The following NF2 variants were observed in gnomAD, a reference collection of about 807,000 sequenced individuals.
The protein encoded by NF2 is merlin.
In NF2, 8 loss-of-function variants were observed where a neutral mutation model predicts 83.7. That is an observed-to-expected ratio of 0.10 (90% CI 0.06 to 0.17). NF2 has a LOEUF of 0.17. Among genes scored for constraint, NF2 ranks in the 10% least tolerant of loss-of-function variants. The probability of loss-of-function intolerance (pLI) is 1.00; values close to 1 mark genes in which losing one functional copy is unlikely to be tolerated. For synonymous variants in NF2, 266 were observed against 269.6 expected (o/e 0.99, Z 0.13); for missense variants, 533 against 744.4 (o/e 0.72, Z 3.31).
At position 29,639,100 on chromosome 22, in the gene NF2, A is replaced by G. The variant is rs773740023; in HGVS notation, c.251A>G (p.His84Arg). The G allele has an allele frequency of 1.9e-6, 3 of 1,614,244 alleles. No homozygotes were observed. The highest frequency in any genetic ancestry group is 3.3e-5 in the Admixed American group (2 of 60,028). The change falls in exon 3 of 16, where the codon CAT (histidine) becomes CGT (arginine). Residue 84 changes from histidine to arginine, a missense_variant. By Grantham distance (29) the His-to-Arg change is conservative. This residue lies in a region of NF2 where 326 missense variants were observed against 475.1 expected (regional missense o/e 0.69). Coordinates refer to ENST00000338641, the MANE Select transcript of NF2 (RefSeq NM_000268.4). The part of the protein sequence containing the change: ...WLKMDKKVLD[H>R]DVSKEEPVTF... ...TCTGCAATTCTGCAGGTACTGGATC[A>G]TGATGTTTCAAAGGAAGAACCAGTC...
intron 15 of NF2, among the ~76,000 whole-genome samples, chr22:29,689,754 C>T (rs1369886108): frequency 6.6e-6 from 1 of 152,184 alleles, no homozygotes. Flanking sequence ...CCACTGATAG[C>T]CAAAGTAGCT....
intron 3 of NF2, among the ~76,000 whole-genome samples, chr22:29,640,558 T>C (rs995049092): frequency 7.9e-5 from 12 of 152,224 alleles, no homozygotes; most frequent in African/African-American, 2.4e-4. Flanking sequence ...GTTGCAGTGA[T>C]TGGCACTGGG....
chr22:29,649,765 A>G (rs1350217901), intron 4 of NF2, among the ~76,000 whole-genome samples: 1 of 149,708 alleles, frequency 6.7e-6, no homozygotes, highest in Non-Finnish European at 1.5e-5. Context: ...AAAATAAAAA[A>G]GGAGCCACTG....
chr22:29,691,691 A>G (rs2067409235), intron 15 of NF2, among the ~76,000 whole-genome samples: 2 of 152,256 alleles, frequency 1.3e-5, no homozygotes, highest in Non-Finnish European at 2.9e-5. Context: ...TGAAAGATCC[A>G]CAGGTGAGGA....
chr22:29,681,659 C>T lies in NF2; in HGVS notation c.1737+58C>T, dbSNP rs935954195. On this transcript the variant is annotated intron_variant, in intron 15 of 15. Transcript: ENST00000338641. ...TCAGGACCATCATTAATGAAATGTG[C>T]GGTTGGCATCTGGTTTCCTCAGTAG... 1.4e-5 allele frequency: 22 copies of T among 1,601,868 alleles called. 1 individual carries two copies. The highest frequency in any genetic ancestry group is 1.3e-4 in the African/African-American group (10 of 74,662).
chr22:29,685,029 G>A (rs1281882741), intron 15 of NF2, among the ~76,000 whole-genome samples: 1 of 150,864 alleles, frequency 6.6e-6, no homozygotes, highest in African/African-American at 2.4e-5. Context: ...AGAATGCCTG[G>A]GGATGAGATG....
At chr22:29,644,870 A>C in intron 4 of NF2, among the ~76,000 whole-genome samples, 1 of 148,098 alleles carries the variant, frequency 6.8e-6, no homozygotes, top group Non-Finnish European at 1.5e-5. Flanking sequence ...AGATGGCAGC[A>C]GTATAGTCCA....
chr22:29,638,267 C>T (rs1053356600), intron 2 of NF2, among the ~76,000 whole-genome samples: 2 of 151,912 alleles, frequency 1.3e-5, no homozygotes, highest in Admixed American at 6.6e-5. Flanking sequence ...CAAAGGGTTG[C>T]CATGATGGAC....
intron 8 of NF2, among the ~76,000 whole-genome samples, chr22:29,664,033 T>C: frequency 6.6e-6 from 1 of 152,250 alleles, no homozygotes; most frequent in Non-Finnish European, 1.5e-5. Context: ...CATTTGATTC[T>C]ATTAACAGCT....
chr22:29,658,298 T>G (rs1481415535), intron 7 of NF2, 34 bp downstream of exon 7: 1 of 1,584,828 alleles, frequency 6.3e-7, no homozygotes, highest in Non-Finnish European at 8.7e-7. Context: ...CCTTGTGTAG[T>G]AGACAGAGAC....
chr22:29,694,900 G>A lies in NF2; in HGVS notation c.*98G>A. ...AGAGCCATCCATAGGGAGCTGGCTG[G>A]GGGTTTCCGTGGGAGCTCCAGAACT... On this transcript the variant is annotated 3_prime_UTR_variant, in exon 16 of 16. Coordinates refer to ENST00000338641, the MANE Select transcript of NF2 (RefSeq NM_000268.4). The surrounding 1 kb of genome is among the most constrained non-coding windows in gnomAD (Gnocchi z 4.1). 1.5e-6 allele frequency: 2 copies of A among 1,329,666 alleles called. No individual in the cohort carries two copies. Among genetic ancestry groups the A allele is most frequent in the East Asian group, 5.0e-5 (2 of 40,252 alleles). The allele number at this position is 1,329,666 out of a possible 1,614,324, so 82.4% of individuals were successfully genotyped here.
chr22:29,606,915 T>C (rs1242705331), intron 1 of NF2, among the ~76,000 whole-genome samples: 2 of 152,102 alleles, frequency 1.3e-5, no homozygotes, highest in Non-Finnish European at 2.9e-5. Context: ...CATGGGGGCA[T>C]ACACTTGTAA....
intron 9 of NF2, among the ~76,000 whole-genome samples, chr22:29,667,611 T>A (rs1252193772): frequency 3.3e-5 from 5 of 152,172 alleles, no homozygotes; most frequent in African/African-American, 1.2e-4. Context: ...GGTCTTGAAC[T>A]CCTGGGCTCA....
chr22:29,689,350 A>G (rs2067347916), intron 15 of NF2, among the ~76,000 whole-genome samples: 1 of 151,786 alleles, frequency 6.6e-6, no homozygotes, highest in Non-Finnish European at 1.5e-5. Flanking sequence ...TTCAGCTGTC[A>G]CCTTTCTGCT....
intron 1 of NF2, chr22:29,609,449 G>A (rs2064891577): frequency 2.6e-6 from 1 of 383,670 alleles, no homozygotes; most frequent in South Asian, 3.4e-5. Flanking sequence ...TCTGTGATCA[G>A]CCTGTTAAGA....
At chr22:29,619,832 C>T (rs2065171070) in intron 1 of NF2, among the ~76,000 whole-genome samples, 2 of 152,194 alleles carry the variant, frequency 1.3e-5, no homozygotes. Flanking sequence ...GTGCTGCCCT[C>T]CACTGGACCC....
At chr22:29,614,981 C>G (rs2065047569) in intron 1 of NF2, among the ~76,000 whole-genome samples, 1 of 152,008 alleles carries the variant, frequency 6.6e-6, no homozygotes, top group Non-Finnish European at 1.5e-5. Context: ...GACAGGAGTT[C>G]AAGACTACCT....
rs780709660 is a variant in NF2 at position 29,697,747 on chromosome 22, G to T, written c.*2945G>T. On this transcript the variant is annotated 3_prime_UTR_variant, in exon 16 of 16. Coordinates refer to ENST00000338641, the MANE Select transcript of NF2 (RefSeq NM_000268.4). ...ACGTCCGGCTAATTTTGTATTTTTAGTGGAGACGGGGTTTCTCCATGTCGG... is the reference window on the plus strand; with the variant it reads ...ACGTCCGGCTAATTTTGTATTTTTATTGGAGACGGGGTTTCTCCATGTCGG... 4 of 176,410 alleles carry T rather than the reference G, an allele frequency of 2.3e-5. No individual in the cohort carries two copies. The highest frequency in any genetic ancestry group is 4.9e-5 in the Non-Finnish European group (4 of 82,020). 10.9% of individuals were successfully genotyped at this position (176,410 alleles called of 1,614,324 possible).
At position 29,685,144 on chromosome 22, in the gene NF2, G is replaced by C. The variant is rs867117467; in HGVS notation, c.1737+3543G>C. 3.3e-5 allele frequency among the ~76,000 whole-genome samples: 5 copies of C among 151,718 alleles called. No individual in the cohort carries two copies. The East Asian group carries it at 9.6e-4, about 29-fold the overall frequency. On this transcript the variant is annotated intron_variant, in intron 15 of 15. Transcript: ENST00000338641. ...TAGTTTTGCTTTGTTTTGAGACACG[G>C]TCTCCCTCTGTCACCCAGGCTGGTA...
Sources: gnomAD v4.1 joint callset for allele counts (sites outside exome capture counted in the v4.1 genomes callset) on GRCh38, gnomAD v4.1.1 for gene constraint, gnomAD v4.1.1 regional missense constraint, Gnocchi (gnomAD v3.1) non-coding constraint, MANE v1.5 for transcripts, NCBI Gene and HGNC (gene_info 2026-07-23, HGNC 2026-07-21) for gene names.